Variants in DEPTOR observed in about 807,000 individuals in gnomAD.
The protein encoded by DEPTOR is DEP domain-containing mTOR-interacting protein.
In DEPTOR, 41 loss-of-function variants were observed where a neutral mutation model predicts 41.6. That is an observed-to-expected ratio of 0.98 (90% CI 0.77 to 1.28). The LOEUF is 1.28. Among genes scored for constraint, DEPTOR ranks in the 50% most tolerant of loss-of-function variants. The pLI, the probability that DEPTOR is intolerant of heterozygous loss-of-function variation, is 0.00. For synonymous variants in DEPTOR, 195 were observed against 192.3 expected, an observed-to-expected ratio of 1.01 and a Z score of -0.12; for missense variants, 514 against 527.9, an observed-to-expected ratio of 0.97 and a Z score of 0.26.
rs187613984 is a variant in DEPTOR, at chr8:120,032,452, C to T, written c.1102-17124C>T. Among the ~76,000 whole-genome samples, 45 of 152,220 alleles carry T rather than the reference C, an allele frequency of 3.0e-4. No individual in the cohort carries two copies. In the East Asian group the frequency reaches 8.3e-3, roughly 28 times the overall value. ...GCCAGGCTGGTCTCAAACTCCTGACCTCAAATGATCTGTCTGCCTCTGCCT... is the reference window on the plus strand; with the variant it reads ...GCCAGGCTGGTCTCAAACTCCTGACTTCAAATGATCTGTCTGCCTCTGCCT... On this transcript the variant is annotated intron_variant, in intron 8 of 8. Coordinates refer to ENST00000286234, the MANE Select transcript of DEPTOR (RefSeq NM_022783.4).
intron 1 of DEPTOR, among the ~76,000 whole-genome samples, chr8:119,917,374 A>G (rs1827827109): frequency 6.6e-6 from 1 of 152,218 alleles, no homozygotes; most frequent in Admixed American, 6.6e-5. Context: ...GTCTGTGTAG[A>G]AAGAAGTAGA....
intron 1 of DEPTOR, among the ~76,000 whole-genome samples, chr8:119,915,788 T>C (rs984079095): frequency 6.6e-6 from 1 of 152,054 alleles, no homozygotes; most frequent in Non-Finnish European, 1.5e-5. Context: ...AACCTCGCAG[T>C]AGGGAGTGGC....
At chr8:119,878,322 CTT>C (rs34074804) in intron 1 of DEPTOR, among the ~76,000 whole-genome samples, 524 of 141,716 alleles carry the variant, frequency 3.7e-3, no homozygotes, top group Middle Eastern at 7.8e-3. Context: ...AATCCTGACA[CTT>C]TTTTTTTTTT....
In DEPTOR at chr8:120,003,153, A is replaced by C. The variant is rs373943947; in HGVS notation, c.925+42A>C. The C allele has an allele frequency of 8.8e-6, 14 of 1,596,090 alleles. No homozygotes were observed. The East Asian group carries it at 2.9e-4, about 33-fold the overall frequency. On this transcript the variant is annotated intron_variant, in intron 6 of 8. Transcript: ENST00000286234. ...TGGCCCCGCTCCTAAGACTGTGGGGACTTGGGCAGGTCCCTGGGAAGCAGA... is the reference window on the plus strand; with the variant it reads ...TGGCCCCGCTCCTAAGACTGTGGGGCCTTGGGCAGGTCCCTGGGAAGCAGA...
intron 1 of DEPTOR, among the ~76,000 whole-genome samples, chr8:119,909,070 T>C (rs1430507369): frequency 6.6e-6 from 1 of 152,198 alleles, no homozygotes; most frequent in East Asian, 1.9e-4. Flanking sequence ...TTGGCTTTGC[T>C]TCCTAGCATC....
At chr8:119,928,198 CCT>C (rs1269822271) in intron 1 of DEPTOR, among the ~76,000 whole-genome samples, 200 bp from the exon 2 acceptor site, 2 of 152,080 alleles carry the variant, frequency 1.3e-5, no homozygotes, top group African/African-American at 4.8e-5. Flanking sequence ...CTCATATTTA[CCT>C]CTGTCATCTA....
intron 4 of DEPTOR, among the ~76,000 whole-genome samples, chr8:119,999,400 A>T (rs1030624930): frequency 6.6e-6 from 1 of 152,234 alleles, no homozygotes; most frequent in African/African-American, 2.4e-5. Flanking sequence ...GACATGCTGT[A>T]TGAGGGCTAG....
At chr8:119,930,477 T>C (rs1241833356) in intron 3 of DEPTOR, among the ~76,000 whole-genome samples, 1 of 152,188 alleles carries the variant, frequency 6.6e-6, no homozygotes. Context: ...CCTCAGGTGA[T>C]CTACCAACTT....
At chr8:120,005,345 T>C (rs571668578) in intron 6 of DEPTOR, among the ~76,000 whole-genome samples, 6 of 152,356 alleles carry the variant, frequency 3.9e-5, no homozygotes, top group African/African-American at 1.4e-4. Flanking sequence ...ATGAGATTTC[T>C]GAAAGCAAAG....
chr8:119,991,088 TTTTCTTTC>T (rs1206272230), intron 4 of DEPTOR, among the ~76,000 whole-genome samples: 40 of 45,822 alleles, frequency 8.7e-4, no homozygotes, highest in East Asian at 6.1e-3. Flanking sequence ...CTTTCTTTCT[TTTTCTTTC>T]TTTCTTTCTT....
At chr8:120,041,830 C>A (rs1014534340) in intron 8 of DEPTOR, among the ~76,000 whole-genome samples, 18 of 152,174 alleles carry the variant, frequency 1.2e-4, no homozygotes, top group Admixed American at 5.9e-4. Context: ...AGCCACTGCA[C>A]CCAGCGGTTC....
chr8:120,044,420 TAGCCTGGAGAACCA>T (rs1447664610), intron 8 of DEPTOR, among the ~76,000 whole-genome samples: 1 of 152,170 alleles, frequency 6.6e-6, no homozygotes, highest in African/African-American at 2.4e-5. Flanking sequence ...CCACCGTGCC[TAGCCTGGAGAACCA>T]AGCTTGATAA....
At chr8:119,902,718 T>G (rs1302620459) in intron 1 of DEPTOR, among the ~76,000 whole-genome samples, 1 of 152,138 alleles carries the variant, frequency 6.6e-6, no homozygotes, top group East Asian at 1.9e-4. Flanking sequence ...TAGTTTATAG[T>G]GATGCTAAGA....
intron 1 of DEPTOR, among the ~76,000 whole-genome samples, chr8:119,884,211 CCACA>C (rs1284579818): frequency 2.0e-5 from 3 of 152,164 alleles, no homozygotes; most frequent in Non-Finnish European, 4.4e-5. Flanking sequence ...GCAGGCACCA[CCACA>C]CCTCACTAAT....
chr8:119,885,580 A>G (rs1827353745), intron 1 of DEPTOR, among the ~76,000 whole-genome samples: 1 of 152,220 alleles, frequency 6.6e-6, no homozygotes, highest in South Asian at 2.1e-4. Flanking sequence ...GCAGGCCTTG[A>G]CGCCATGATA....
chr8:119,893,744 C>A lies in DEPTOR; in HGVS notation c.122+19776C>A, dbSNP rs538345159. Among the ~76,000 whole-genome samples, 26 of 150,556 alleles carry A rather than the reference C, an allele frequency of 1.7e-4. No individual in the cohort carries two copies. The South Asian group carries it at 5.5e-3, about 32-fold the overall frequency. On this transcript the variant is annotated intron_variant, in intron 1 of 8. Coordinates refer to ENST00000286234, the MANE Select transcript of DEPTOR (RefSeq NM_022783.4). ...TCGGGAGGCTGAGGCAGGAGAATTG[C>A]TTGAACCCAGTGACAGAGAAGACTC...
At chr8:119,942,868 GT>G (rs1828221420) in intron 3 of DEPTOR, among the ~76,000 whole-genome samples, 2 of 152,208 alleles carry the variant, frequency 1.3e-5, no homozygotes, top group Admixed American at 1.3e-4. Context: ...ATCCAGTGGA[GT>G]TTCATCTAAT....
At chr8:119,924,083 C>T (rs1032440432) in intron 1 of DEPTOR, among the ~76,000 whole-genome samples, 30 of 152,182 alleles carry the variant, frequency 2.0e-4, no homozygotes, top group African/African-American at 6.5e-4. Flanking sequence ...TGTCATTTTC[C>T]CCTCTGAGCT....
chr8:120,014,635 C>T lies in DEPTOR; in HGVS notation c.1101+5502C>T, dbSNP rs562468072. Among the ~76,000 whole-genome samples, 3 of 152,012 alleles carry T rather than the reference C, an allele frequency of 2.0e-5. No individual in the cohort carries two copies. The South Asian group carries it at 6.2e-4, about 32-fold the overall frequency. On this transcript the variant is annotated intron_variant, in intron 8 of 8. Coordinates refer to ENST00000286234, the MANE Select transcript of DEPTOR (RefSeq NM_022783.4). Reference sequence around the variant, plus strand: ...CTCCGCCTCCCGGGTTCAAGCGATTCTTCTGCTTGAGCCTCCCGAGTAGCT... The same window carrying T: ...CTCCGCCTCCCGGGTTCAAGCGATTTTTCTGCTTGAGCCTCCCGAGTAGCT...
Sources: gnomAD v4.1 joint callset for allele counts (sites outside exome capture counted in the v4.1 genomes callset) on GRCh38, gnomAD v4.1.1 for gene constraint, MANE v1.5 for transcripts, NCBI Gene and HGNC (gene_info 2026-07-23, HGNC 2026-07-21) for gene names.